KCNJ6: variants seen among roughly 807,000 people sequenced by gnomAD.
The protein encoded by KCNJ6 is G protein-activated inward rectifier potassium channel 2.
In KCNJ6, 9 loss-of-function variants were observed where a neutral mutation model predicts 34.2. The observed-to-expected ratio is 0.26, with a 90% CI of 0.16 to 0.46. The LOEUF is 0.46. KCNJ6 is among the 20% of genes least tolerant of loss of function. The probability of loss-of-function intolerance (pLI) is 1.00; values close to 1 mark genes in which losing one functional copy is unlikely to be tolerated. For synonymous variants in KCNJ6, 196 were observed against 207.1 expected, an observed-to-expected ratio of 0.95 and a Z score of 0.46; for missense variants, 236 against 531.3, an observed-to-expected ratio of 0.44 and a Z score of 5.46.
intron 2 of KCNJ6, among the ~76,000 whole-genome samples, chr21:37,768,929 A>G (rs550779139): frequency 9.9e-5 from 15 of 152,240 alleles, no homozygotes; most frequent in Non-Finnish European, 2.2e-4. Flanking sequence ...AAGGGAATTT[A>G]TAGCTCAGAT....
chr21:37,833,288 T>C (rs574142857), intron 2 of KCNJ6, among the ~76,000 whole-genome samples: 32 of 152,274 alleles, frequency 2.1e-4, no homozygotes, highest in Non-Finnish European at 4.3e-4. Context: ...GTGCTGGGAT[T>C]ACAGGCATGA....
intron 1 of KCNJ6, among the ~76,000 whole-genome samples, chr21:37,841,783 G>A (rs2055482263): frequency 6.6e-6 from 1 of 152,050 alleles, no homozygotes; most frequent in South Asian, 2.1e-4. Flanking sequence ...TATTCATCAT[G>A]GATTATATCA....
chr21:37,773,049 G>A (rs528105108), intron 2 of KCNJ6, among the ~76,000 whole-genome samples: 2 of 152,308 alleles, frequency 1.3e-5, no homozygotes, highest in African/African-American at 4.8e-5. Context: ...CCATTCTCGG[G>A]CAGTTCCAGG....
chr21:37,701,980 C>T (rs1480855073), intron 3 of KCNJ6, among the ~76,000 whole-genome samples: 2 of 152,108 alleles, frequency 1.3e-5, no homozygotes, highest in Admixed American at 6.5e-5. Context: ...TGCCTGTGAT[C>T]CCAGCACTTT....
intron 3 of KCNJ6, among the ~76,000 whole-genome samples, chr21:37,654,472 C>T (rs1264110659): frequency 6.6e-6 from 1 of 151,976 alleles, no homozygotes; most frequent in African/African-American, 2.4e-5. Context: ...TGCTTTCCTC[C>T]AGTTTACTCT....
chr21:37,615,829 C>T lies in KCNJ6; in HGVS notation c.*9330G>A, dbSNP rs531331618. 4 of 152,308 alleles carry T rather than the reference C, an allele frequency of 2.6e-5. No individual in the cohort carries two copies. In the South Asian group the frequency reaches 8.3e-4, roughly 32 times the overall value. The allele number at this position is 152,308 out of a possible 1,614,324, so 9.4% of individuals were successfully genotyped here. ...ATGGCAACTCTTTGGACATCTGTTA[C>T]ATGGGATAATACAAAAATAATTTTG... On this transcript the variant is annotated 3_prime_UTR_variant, in exon 4 of 4. Coordinates refer to ENST00000609713, the MANE Select transcript of KCNJ6 (RefSeq NM_002240.5).
chr21:37,889,737 C>T (rs970193427), intron 1 of KCNJ6, among the ~76,000 whole-genome samples: 5 of 152,174 alleles, frequency 3.3e-5, no homozygotes, highest in Non-Finnish European at 7.3e-5. Context: ...GATGTGTCTA[C>T]AGACCCATCA....
intron 3 of KCNJ6, among the ~76,000 whole-genome samples, chr21:37,692,983 G>A (rs894407782): frequency 5.3e-5 from 8 of 152,178 alleles, no homozygotes; most frequent in Non-Finnish European, 1.2e-4. Flanking sequence ...AACTCATTCT[G>A]TAAGTGAGCT....
At chr21:37,796,954 C>T (rs560474728) in intron 2 of KCNJ6, among the ~76,000 whole-genome samples, 59 of 151,000 alleles carry the variant, frequency 3.9e-4, no homozygotes, top group African/African-American at 5.8e-4. Flanking sequence ...CCACCGCGCC[C>T]GGCTAATTTT....
intron 3 of KCNJ6, among the ~76,000 whole-genome samples, chr21:37,696,103 G>C (rs1460346915): frequency 6.6e-6 from 1 of 152,176 alleles, no homozygotes; most frequent in East Asian, 1.9e-4. Context: ...AGCTGAAAGA[G>C]AACACATCAA....
chr21:37,775,951 A>G, intron 2 of KCNJ6, among the ~76,000 whole-genome samples: 1 of 152,016 alleles, frequency 6.6e-6, no homozygotes. Context: ...CAGTATGGCC[A>G]TTTTCACGAT....
At chr21:37,816,972 T>C (rs1183911245) in intron 2 of KCNJ6, among the ~76,000 whole-genome samples, 2 of 152,184 alleles carry the variant, frequency 1.3e-5, no homozygotes, top group East Asian at 3.8e-4. Flanking sequence ...TCTTGCCATG[T>C]TTTTGGATCC....
chr21:37,899,295 T>C (rs1016543988), intron 1 of KCNJ6, among the ~76,000 whole-genome samples: 9 of 152,180 alleles, frequency 5.9e-5, no homozygotes, highest in African/African-American at 2.2e-4. Context: ...CATGTGAAAC[T>C]AATAATAGTT....
chr21:37,763,673 T>C (rs2055077215), intron 2 of KCNJ6, among the ~76,000 whole-genome samples: 1 of 152,182 alleles, frequency 6.6e-6, no homozygotes, highest in Admixed American at 6.5e-5. Context: ...TGGCTGTTTT[T>C]CTCTTGTTTA....
intron 2 of KCNJ6, among the ~76,000 whole-genome samples, chr21:37,777,791 T>C (rs752074674): frequency 5.3e-5 from 8 of 152,208 alleles, no homozygotes; most frequent in Non-Finnish European, 1.5e-5. Context: ...CCTGGCTCTG[T>C]CACCAGTGTT....
chr21:37,889,122 A>T (rs912657117), intron 1 of KCNJ6, among the ~76,000 whole-genome samples: 5 of 152,204 alleles, frequency 3.3e-5, no homozygotes, highest in South Asian at 2.1e-4. Flanking sequence ...CTTCAAAATC[A>T]GATGTGAACC....
chr21:37,729,006 G>A (rs1003802335), intron 2 of KCNJ6, among the ~76,000 whole-genome samples: 28 of 152,156 alleles, frequency 1.8e-4, no homozygotes, highest in Non-Finnish European at 3.4e-4. Context: ...GTGACTAGGG[G>A]AGACTATTCT....
At chr21:37,826,383 C>T (rs1049960343) in intron 2 of KCNJ6, among the ~76,000 whole-genome samples, 3 of 152,114 alleles carry the variant, frequency 2.0e-5, no homozygotes, top group East Asian at 3.9e-4. Context: ...CATTTGATAC[C>T]GTGTCTTAGT....
chr21:37,812,780 C>T (rs1444646931), intron 2 of KCNJ6, among the ~76,000 whole-genome samples: 7 of 152,086 alleles, frequency 4.6e-5, no homozygotes, highest in African/African-American at 1.7e-4. Context: ...TAATAAAAGC[C>T]ATATATAATA....
Sources: gnomAD v4.1 joint callset for allele counts (sites outside exome capture counted in the v4.1 genomes callset) on GRCh38, gnomAD v4.1.1 for gene constraint, MANE v1.5 for transcripts, NCBI Gene and HGNC (gene_info 2026-07-23, HGNC 2026-07-21) for gene names.